The following PLCD4 variants were observed in gnomAD, a reference collection of about 807,000 sequenced individuals.
PLCD4 encodes 1-phosphatidylinositol 4,5-bisphosphate phosphodiesterase delta-4.
PLCD4 carries 63 observed loss-of-function variants against 90.2 expected under a neutral mutation model. That is an observed-to-expected ratio of 0.70 (90% CI 0.57 to 0.86). The LOEUF is 0.86. Ranked by LOEUF, PLCD4 falls within the 40% of genes least tolerant of loss-of-function variation. The pLI is 0.00. For synonymous variants in PLCD4, 294 were observed against 356.5 expected (o/e 0.82, Z 1.97); for missense variants, 830 against 956.3 (o/e 0.87, Z 1.74).
chr2:218,632,116 C>T lies in PLCD4; in HGVS notation c.1273-20C>T. On this transcript the variant is annotated intron_variant, in intron 9 of 15. Coordinates refer to ENST00000450993, the MANE Select transcript of PLCD4 (RefSeq NM_032726.4). ...CCAAGAGCAGACAGGTAGACAGGCCCCTTCATTTTTGTCCCCTAGGAGCTT... is the reference window on the plus strand; with the variant it reads ...CCAAGAGCAGACAGGTAGACAGGCCTCTTCATTTTTGTCCCCTAGGAGCTT... 1.9e-6 allele frequency: 3 copies of T among 1,587,422 alleles called. No individual in the cohort carries two copies. Among genetic ancestry groups the T allele is most frequent in the South Asian group, 2.3e-5 (2 of 86,464 alleles).
chr2:218,618,520 G>A, intron 3 of PLCD4, 59 bp from the exon 4 acceptor site: 1 of 1,465,056 alleles, frequency 6.8e-7, no homozygotes, highest in Non-Finnish European at 9.5e-7. Context: ...TTCACTCTTA[G>A]CCCCTGCTAT....
intron 1 of PLCD4, among the ~76,000 whole-genome samples, chr2:218,614,674 C>A (rs560475797): frequency 4.3e-4 from 64 of 149,678 alleles, no homozygotes; most frequent in African/African-American, 1.5e-3. Context: ...AGGTCTCAAA[C>A]TCCTGACCTC....
At chr2:218,624,308 G>T (rs1297230288) in intron 6 of PLCD4, among the ~76,000 whole-genome samples, 1 of 152,180 alleles carries the variant, frequency 6.6e-6, no homozygotes, top group Non-Finnish European at 1.5e-5. Context: ...CAGGACCTAT[G>T]CTAGGCACCA....
At chr2:218,636,168 G>T in intron 14 of PLCD4, 75 bp from the exon 15 acceptor site, 1 of 1,498,770 alleles carries the variant, frequency 6.7e-7, no homozygotes, top group South Asian at 1.2e-5. Context: ...TAGATTAAAT[G>T]AGAACACAAG....
intron 8 of PLCD4, 112 bp from the exon 9 acceptor site, chr2:218,630,538 C>A: frequency 8.0e-7 from 1 of 1,244,956 alleles, no homozygotes; most frequent in Non-Finnish European, 1.2e-6. Flanking sequence ...GTTTAGTGAT[C>A]AGGGTACTCA....
intron 6 of PLCD4, among the ~76,000 whole-genome samples, chr2:218,624,635 G>A (rs1010920036): frequency 6.9e-4 from 104 of 151,064 alleles, no homozygotes; most frequent in African/African-American, 2.0e-3. Context: ...CATAAGAATC[G>A]CTTGAACTCG....
At position 218,618,655 on chromosome 2, in the gene PLCD4, C is replaced by T. The variant is rs746945808; in HGVS notation, c.258C>T (p.Pro86=). 3 of 1,613,976 alleles carry T rather than the reference C, an allele frequency of 1.9e-6. No individual in the cohort carries two copies. The highest frequency in any genetic ancestry group is 1.7e-5 in the Admixed American group (1 of 60,010). The change falls in exon 4 of 16, where the codon CCC becomes CCT. Residue 86 remains proline, a synonymous_variant. Transcript: ENST00000450993. ...TGCGTAGCCTGGCAGAGGAGCTCCC[C>T]CTGGAGCAGGGCTTCACCATTGTCT... ...ELLRSLAEEL[P]LEQGFTIVFH...
Position 218,616,931 on chromosome 2 carries a change from GAGA to G in PLCD4, c.181+870_181+872del, listed in dbSNP as rs1559264018. ...ATATATATATATATATATATATAGAGAGAGAGAGAGAGAGAGAGAGAGAGAGAG... is the reference window on the plus strand; with the variant it reads ...ATATATATATATATATATATATAGAGGAGAGAGAGAGAGAGAGAGAGAGAG... On this transcript the variant is annotated intron_variant, in intron 3 of 15. Transcript: ENST00000450993. Among the ~76,000 whole-genome samples, 5 of 10,086 alleles carry G rather than the reference GAGA, an allele frequency of 5.0e-4. 1 individual carries two copies. The highest frequency in any genetic ancestry group is 5.3e-3 in the South Asian group (1 of 190). The allele number at this position is 10,086 out of a possible 152,430, so 6.6% of individuals were successfully genotyped here. A position where few individuals can be genotyped will look rare whatever the true frequency, so the allele number is the denominator to read the frequency against.
chr2:218,624,719 C>CAAAAAA (rs766656849), intron 6 of PLCD4, among the ~76,000 whole-genome samples: 1 of 58,042 alleles, frequency 1.7e-5, no homozygotes, highest in Non-Finnish European at 3.5e-5. Context: ...GACTCTGTCT[C>CAAAAAA]AAAAAAAAAA....
At position 218,636,925 on chromosome 2, in the gene PLCD4, A is replaced by G. The variant is rs535543226; in HGVS notation, c.*348A>G. The G allele has an allele frequency of 5.2e-5, 24 of 463,740 alleles. 1 individual carries two copies. Among genetic ancestry groups the G allele is most frequent in the South Asian group, 3.4e-4 (22 of 64,620 alleles). 28.7% of individuals were successfully genotyped at this position (463,740 alleles called of 1,614,324 possible). A position where few individuals can be genotyped will look rare whatever the true frequency, so the allele number is the denominator to read the frequency against. The stretch of plus-strand genomic sequence containing the variant: ...CAACTCTGTGTGAAGGCAGGTTGCA[A>G]CTAGAAATTCAGAGGGGCTTGGAAT... On this transcript the variant is annotated 3_prime_UTR_variant, in exon 16 of 16. Transcript: ENST00000450993.
At chr2:218,633,252 CCTCT>C (rs528322378) in intron 10 of PLCD4, 184 of 610,810 alleles carry the variant, frequency 3.0e-4, no homozygotes, top group African/African-American at 2.2e-3. Context: ...GAGGATAATG[CCTCT>C]CTGTTTAAAT....
intron 3 of PLCD4, among the ~76,000 whole-genome samples, chr2:218,616,985 G>GAGAT (rs1695643558): frequency 1.1e-5 from 1 of 94,726 alleles, no homozygotes; most frequent in Non-Finnish European, 2.2e-5. Flanking sequence ...GAGAGAGAGA[G>GAGAT]ATGGAGTCTC....
At position 218,613,625 on chromosome 2, in the gene PLCD4, G is replaced by A. The variant is rs111829549; in HGVS notation, c.-33-2082G>A. 2.5e-3 allele frequency among the ~76,000 whole-genome samples: 378 copies of A among 152,190 alleles called. 2 individuals carry two copies. The highest frequency in any genetic ancestry group is 8.6e-3 in the African/African-American group (358 of 41,532). On this transcript the variant is annotated intron_variant, in intron 1 of 15. Transcript: ENST00000450993. ...GTCACCCAGGCTGGAGCTCAGTGGTGTAATCTCAGCTTACTGCAGCCTCAA... is the reference window on the plus strand; with the variant it reads ...GTCACCCAGGCTGGAGCTCAGTGGTATAATCTCAGCTTACTGCAGCCTCAA...
At chr2:218,616,962 A>AGAGAGAGAGAGAGAT (rs1695638003) in intron 3 of PLCD4, among the ~76,000 whole-genome samples, 1 of 102,374 alleles carries the variant, frequency 9.8e-6, no homozygotes, top group African/African-American at 3.4e-5. Flanking sequence ...AGAGAGAGAG[A>AGAGAGAGAGAGAGAT]GAGAGAGAGA....
intron 4 of PLCD4, among the ~76,000 whole-genome samples, chr2:218,620,657 A>G (rs1488701852): frequency 6.6e-6 from 1 of 151,802 alleles, no homozygotes; most frequent in Non-Finnish European, 1.5e-5. Flanking sequence ...TTGAGGCTGT[A>G]GTGAGCCATG....
At position 218,634,133 on chromosome 2, in the gene PLCD4, G is replaced by A. The variant is rs774816594; in HGVS notation, c.1635G>A (p.Trp545Ter). 2 of 1,612,156 alleles carry A rather than the reference G, an allele frequency of 1.2e-6. No homozygotes were observed. Among genetic ancestry groups the A allele is most frequent in the Non-Finnish European group, 1.7e-6 (2 of 1,179,154 alleles). ...ATGAGTTTGTGCAGCACAATACTTGGCAGTTAAGCCGTGTGTATCCCAGCG... is the reference window on the plus strand; with the variant it reads ...ATGAGTTTGTGCAGCACAATACTTGACAGTTAAGCCGTGTGTATCCCAGCG... ...AGNEFVQHNT[W>*]QLSRVYPSGL... The change falls in exon 12 of 16, where the codon TGG (tryptophan) becomes TGA (stop). Residue 545 changes from tryptophan to a stop codon, truncating the protein, a stop_gained. Transcript: ENST00000450993. LOFTEE classifies it high-confidence loss of function. This position sits in a 1 kb window ranked among gnomAD's most constrained non-coding sequence, Gnocchi z 4.0.
chr2:218,610,648 T>C (rs1695290402), intron 1 of PLCD4, among the ~76,000 whole-genome samples: 1 of 152,150 alleles, frequency 6.6e-6, no homozygotes, highest in Admixed American at 6.5e-5. Flanking sequence ...TTGCTTCAAC[T>C]GTTTTCTAGA....
Position 218,630,817 on chromosome 2 carries a change from C to T in PLCD4, c.1272+15C>T. On this transcript the variant is annotated intron_variant, in intron 9 of 15. Transcript: ENST00000450993. ...CCTCGCCTGAGGTAGGGACACTGTT[C>T]CTCCAGCCCAGGCTCTGCTGTGGCT... 1 of 1,602,030 alleles carries T rather than the reference C, an allele frequency of 6.2e-7. No homozygotes were observed. Among genetic ancestry groups the T allele is most frequent in the Non-Finnish European group, 8.5e-7 (1 of 1,172,934 alleles).
At chr2:218,622,905 C>T (rs1308841125) in intron 6 of PLCD4, 27 bp downstream of exon 6, 1 of 1,585,300 alleles carries the variant, frequency 6.3e-7, no homozygotes, top group Non-Finnish European at 8.6e-7. Context: ...GGAGAGGCAC[C>T]AGACATAGGG....
Sources: gnomAD v4.1 joint callset for allele counts (sites outside exome capture counted in the v4.1 genomes callset) on GRCh38, gnomAD v4.1.1 for gene constraint, Gnocchi (gnomAD v3.1) non-coding constraint, MANE v1.5 for transcripts, NCBI Gene and HGNC (gene_info 2026-07-23, HGNC 2026-07-21) for gene names.